RBFOX1: variants seen among roughly 807,000 people sequenced by gnomAD.
RBFOX1 encodes RNA binding protein fox-1 homolog 1.
Under a neutral mutation model 57.7 loss-of-function variants are expected in RBFOX1, and 8 were observed. The ratio of observed to expected loss-of-function variants is 0.14; its 90% CI spans 0.08 to 0.25. RBFOX1 has a LOEUF of 0.25. Ranked by LOEUF, RBFOX1 falls within the 10% of genes least tolerant of loss-of-function variation. The pLI is 1.00. For missense variants in RBFOX1, 611 were observed against 548.5 expected (o/e 1.11, Z -1.14); for synonymous variants, 326 against 222.4 (o/e 1.47, Z -4.15).
chr16:7,334,704 C>G (rs757474932), intron 4 of RBFOX1, among the ~76,000 whole-genome samples: 6 of 152,080 alleles, frequency 3.9e-5, no homozygotes, highest in African/African-American at 1.2e-4. Flanking sequence ...GCTGTCATTA[C>G]GAAATGCCAC....
intron 2 of RBFOX1, among the ~76,000 whole-genome samples, chr16:6,542,581 C>T (rs1301862802): frequency 6.8e-6 from 1 of 146,070 alleles, no homozygotes; most frequent in Admixed American, 7.0e-5. Flanking sequence ...GCTCCGCCTC[C>T]TGGGTTCACG....
chr16:5,934,515 G>T (rs2059129840), intron 4 of RBFOX1, among the ~76,000 whole-genome samples: 1 of 152,190 alleles, frequency 6.6e-6, no homozygotes, highest in East Asian at 1.9e-4. Context: ...TCCTGGCCTA[G>T]TCCACGACTC....
chr16:5,311,923 C>G (rs1362691507), intron 1 of RBFOX1, among the ~76,000 whole-genome samples: 1 of 152,132 alleles, frequency 6.6e-6, no homozygotes, highest in Non-Finnish European at 1.5e-5. Flanking sequence ...TGTTACGGTG[C>G]TGTAATAATC....
chr16:7,705,468 G>A (rs2082133363), intron 14 of RBFOX1, among the ~76,000 whole-genome samples: 1 of 152,156 alleles, frequency 6.6e-6, no homozygotes, highest in South Asian at 2.1e-4. Context: ...TTGTGCCACT[G>A]CACTCCAGCC....
At chr16:5,643,911 C>T (rs757582420) in intron 3 of RBFOX1, among the ~76,000 whole-genome samples, 1 of 152,184 alleles carries the variant, frequency 6.6e-6, no homozygotes, top group Non-Finnish European at 1.5e-5. Context: ...TTTTCTTTCC[C>T]TCTGTAACAA....
intron 3 of RBFOX1, among the ~76,000 whole-genome samples, chr16:6,805,622 G>A (rs922137137): frequency 4.0e-5 from 6 of 150,102 alleles, no homozygotes; most frequent in Non-Finnish European, 7.4e-5. Flanking sequence ...AATTATTCCT[G>A]GTATCTCTTC....
chr16:7,075,917 C>G (rs765102346), intron 4 of RBFOX1, among the ~76,000 whole-genome samples: 2 of 152,024 alleles, frequency 1.3e-5, no homozygotes, highest in Non-Finnish European at 2.9e-5. Context: ...TTTCCTGTAA[C>G]TGAATAACCA....
At chr16:7,042,232 G>A (rs1323931846) in intron 3 of RBFOX1, among the ~76,000 whole-genome samples, 3 of 152,198 alleles carry the variant, frequency 2.0e-5, no homozygotes, top group Admixed American at 6.5e-5. Flanking sequence ...TCTTGTCAGG[G>A]CACAGTAGCT....
chr16:6,829,331 G>A (rs1049507101), intron 3 of RBFOX1, among the ~76,000 whole-genome samples: 1 of 151,478 alleles, frequency 6.6e-6, no homozygotes. Context: ...TATATAAGGA[G>A]GCAAGAATAT....
intron 4 of RBFOX1, among the ~76,000 whole-genome samples, chr16:7,420,910 TACATATATATATATAC>T (rs1440290220): frequency 7.4e-6 from 1 of 135,122 alleles, no homozygotes; most frequent in Non-Finnish European, 1.6e-5. Flanking sequence ...CACATATATA[TACATATATATATATAC>T]ACATATATAT....
chr16:5,894,172 G>A (rs558444405), intron 4 of RBFOX1, among the ~76,000 whole-genome samples: 4 of 152,138 alleles, frequency 2.6e-5, no homozygotes, highest in Non-Finnish European at 2.9e-5. Flanking sequence ...TATTTTCCCC[G>A]GTGTTCCCTT....
rs188573301 is a variant in RBFOX1 at position 6,668,654 on chromosome 16, G to T, written c.-16+14004G>T. Among the ~76,000 whole-genome samples, 54 of 152,216 alleles carry T rather than the reference G, an allele frequency of 3.5e-4. No homozygotes were observed. The East Asian group carries it at 7.5e-3, about 21-fold the overall frequency. ...ATGATGTCATCCTCATATAACTAGGGTTATGTTTTGATGCCTTAATTTTAA... is the reference window on the plus strand; with the variant it reads ...ATGATGTCATCCTCATATAACTAGGTTTATGTTTTGATGCCTTAATTTTAA... On this transcript the variant is annotated intron_variant, in intron 3 of 15. Coordinates refer to ENST00000550418, the MANE Select transcript of RBFOX1 (RefSeq NM_018723.4).
At chr16:6,701,815 C>G (rs1603443785) in intron 3 of RBFOX1, among the ~76,000 whole-genome samples, 1 of 152,152 alleles carries the variant, frequency 6.6e-6, no homozygotes, top group Admixed American at 6.5e-5. Context: ...ATGGATGGAA[C>G]TGGAGTCCAG....
chr16:6,791,754 C>G (rs78250823), intron 3 of RBFOX1, among the ~76,000 whole-genome samples: 2,527 of 152,188 alleles, frequency 0.017, 84 homozygotes, highest in African/African-American at 0.058. Flanking sequence ...GAGTGAGAGT[C>G]TGTCTCAAAA....
At chr16:7,396,105 G>T (rs183723129) in intron 4 of RBFOX1, among the ~76,000 whole-genome samples, 1 of 152,108 alleles carries the variant, frequency 6.6e-6, no homozygotes, top group Non-Finnish European at 1.5e-5. Context: ...AGTGTCAGGG[G>T]AGGGGATTGA....
chr16:7,047,011 G>T (rs1459652785), intron 3 of RBFOX1, among the ~76,000 whole-genome samples: 1 of 147,664 alleles, frequency 6.8e-6, no homozygotes, highest in East Asian at 2.0e-4. Context: ...ATATTTTAAT[G>T]AACTCAAGAG....
intron 4 of RBFOX1, among the ~76,000 whole-genome samples, chr16:7,357,564 T>A (rs569497525): frequency 1.1e-4 from 17 of 152,298 alleles, no homozygotes; most frequent in African/African-American, 4.1e-4. Context: ...CCATCTTGTT[T>A]TGCTGCATAC....
chr16:6,266,593 A>C (rs2074526143), intron 1 of RBFOX1, among the ~76,000 whole-genome samples: 1 of 152,074 alleles, frequency 6.6e-6, no homozygotes, highest in Non-Finnish European at 1.5e-5. Context: ...ACGCGCCTGT[A>C]ATCCCAGCTA....
chr16:6,517,095 A>C (rs2096395274), intron 2 of RBFOX1, among the ~76,000 whole-genome samples: 2 of 152,152 alleles, frequency 1.3e-5, no homozygotes, highest in Admixed American at 1.3e-4. Context: ...AGGTTGTGAC[A>C]CAGGATGACT....
Sources: gnomAD v4.1 joint callset for allele counts (sites outside exome capture counted in the v4.1 genomes callset) on GRCh38, gnomAD v4.1.1 for gene constraint, MANE v1.5 for transcripts, NCBI Gene and HGNC (gene_info 2026-07-23, HGNC 2026-07-21) for gene names.